Variants in CSMD3 observed in about 807,000 individuals in gnomAD.
The protein encoded by CSMD3 is CUB and Sushi multiple domains 3, also known as CUB and sushi domain-containing protein 3.
A neutral mutation model predicts 435.2 loss-of-function variants in CSMD3; 177 were observed. That is an observed-to-expected ratio of 0.41 (90% confidence interval 0.36 to 0.46). The LOEUF (loss-of-function observed/expected upper bound fraction) is 0.46. Among genes scored for constraint, CSMD3 ranks in the 20% least tolerant of loss-of-function variants. The pLI, the probability that CSMD3 is intolerant of heterozygous loss-of-function variation, is 0.34. For synonymous variants in CSMD3, 1,656 were observed against 1,520.5 expected (o/e 1.09, Z -2.07); for missense variants, 4,265 against 4,504.6 (o/e 0.95, Z 1.52).
chr8:113,187,732 T>C (rs72687616), intron 3 of CSMD3, among the ~76,000 whole-genome samples: 10,024 of 151,958 alleles, frequency 0.066, 445 homozygotes, highest in Non-Finnish European at 0.095. Flanking sequence ...ACCTAATATG[T>C]AGGTAACTCC....
At chr8:113,031,207 T>C (rs565382006) in intron 5 of CSMD3, among the ~76,000 whole-genome samples, 10 of 151,770 alleles carry the variant, frequency 6.6e-5, no homozygotes, top group African/African-American at 2.2e-4. Context: ...ATCTTCAAAG[T>C]AGCTTTACTT....
chr8:112,263,895 G>T, intron 60 of CSMD3, 83 bp from the exon 61 acceptor site: 3 of 1,227,102 alleles, frequency 2.4e-6, no homozygotes, highest in South Asian at 1.2e-5. Context: ...ATTAGAAGAA[G>T]CACATGTGCT....
At chr8:112,510,955 T>G (rs2130953457) in intron 28 of CSMD3, among the ~76,000 whole-genome samples, 1 of 152,326 alleles carries the variant, frequency 6.6e-6, no homozygotes, top group African/African-American at 2.4e-5. Flanking sequence ...GCTATGTGTT[T>G]TAATAAAAAT....
At chr8:113,264,263 C>T (rs1390172592) in intron 3 of CSMD3, among the ~76,000 whole-genome samples, 1 of 151,244 alleles carries the variant, frequency 6.6e-6, no homozygotes, top group Admixed American at 6.6e-5. Flanking sequence ...CTCTGTATGG[C>T]CTTTGAGTGA....
chr8:112,495,151 A>C (rs1821210949), intron 30 of CSMD3, among the ~76,000 whole-genome samples: 1 of 152,208 alleles, frequency 6.6e-6, no homozygotes, highest in Non-Finnish European at 1.5e-5. Context: ...TAAAAAATAA[A>C]ACTTTACATT....
chr8:112,377,539 CAAGAA>C (rs1358782921), intron 38 of CSMD3, among the ~76,000 whole-genome samples: 2 of 152,042 alleles, frequency 1.3e-5, no homozygotes, highest in Non-Finnish European at 2.9e-5. Flanking sequence ...AAAGACACCA[CAAGAA>C]AAGAAAAGTA....
chr8:112,627,624 T>C (rs983217367), intron 22 of CSMD3, among the ~76,000 whole-genome samples: 2 of 152,206 alleles, frequency 1.3e-5, no homozygotes, highest in Non-Finnish European at 2.9e-5. Flanking sequence ...AGGACATATA[T>C]GGAGAATGAG....
intron 13 of CSMD3, among the ~76,000 whole-genome samples, chr8:112,693,105 G>A (rs938572780): frequency 6.6e-6 from 1 of 151,940 alleles, no homozygotes; most frequent in African/African-American, 2.4e-5. Context: ...GCTGTTCCAG[G>A]GATCTAAGAT....
intron 3 of CSMD3, among the ~76,000 whole-genome samples, chr8:113,190,822 T>G (rs962622975): frequency 6.6e-6 from 1 of 151,814 alleles, no homozygotes; most frequent in Non-Finnish European, 1.5e-5. Flanking sequence ...AGGAATACTT[T>G]TGTTTCCTAA....
At chr8:112,397,960 G>A (rs1299194070) in intron 35 of CSMD3, among the ~76,000 whole-genome samples, 1 of 152,096 alleles carries the variant, frequency 6.6e-6, no homozygotes, top group Non-Finnish European at 1.5e-5. Flanking sequence ...TCACATATGG[G>A]TGACACTTTA....
intron 58 of CSMD3, among the ~76,000 whole-genome samples, chr8:112,285,284 A>G (rs188453201): frequency 7.6e-4 from 116 of 152,236 alleles, no homozygotes; most frequent in African/African-American, 2.7e-3. Flanking sequence ...TGCCCACAGC[A>G]TCATTAAAAA....
chr8:112,319,876 C>G, intron 46 of CSMD3, 25 bp downstream of exon 46: 1 of 1,539,024 alleles, frequency 6.5e-7, no homozygotes, highest in Non-Finnish European at 9.0e-7. Flanking sequence ...GTATGTTTTC[C>G]TTGAAAATAA....
chr8:112,446,107 T>A (rs1400152185), intron 32 of CSMD3, among the ~76,000 whole-genome samples: 1 of 152,190 alleles, frequency 6.6e-6, no homozygotes, highest in Non-Finnish European at 1.5e-5. Context: ...TGAACATCCA[T>A]GATAACACAT....
chr8:113,267,509 G>T (rs1458482751), intron 3 of CSMD3, among the ~76,000 whole-genome samples: 1 of 151,622 alleles, frequency 6.6e-6, no homozygotes, highest in African/African-American at 2.4e-5. Context: ...GACAAATATT[G>T]CATCTTTTTA....
At chr8:113,407,222 A>G (rs1490465164) in intron 1 of CSMD3, among the ~76,000 whole-genome samples, 1 of 152,156 alleles carries the variant, frequency 6.6e-6, no homozygotes, top group Non-Finnish European at 1.5e-5. Flanking sequence ...TCTGATCACA[A>G]AAGAATTTGA....
At chr8:113,033,304 G>A (rs562194807) in intron 5 of CSMD3, among the ~76,000 whole-genome samples, 28 of 151,740 alleles carry the variant, frequency 1.8e-4, no homozygotes, top group African/African-American at 5.1e-4. Context: ...GAAAGCAGCC[G>A]CAGGGGCTGT....
intron 35 of CSMD3, among the ~76,000 whole-genome samples, chr8:112,403,143 C>T (rs971571667): frequency 2.0e-5 from 3 of 152,042 alleles, no homozygotes; most frequent in Non-Finnish European, 2.9e-5. Context: ...CAATTCTGCA[C>T]AATAAATGAG....
At chr8:113,252,044 T>A (rs2093339249) in intron 3 of CSMD3, among the ~76,000 whole-genome samples, 1 of 152,118 alleles carries the variant, frequency 6.6e-6, no homozygotes. Context: ...ATTTACTTTT[T>A]ATATTTTTCA....
intron 4 of CSMD3, among the ~76,000 whole-genome samples, chr8:113,134,999 T>A (rs1403229241): frequency 6.6e-6 from 1 of 152,010 alleles, no homozygotes; most frequent in Non-Finnish European, 1.5e-5. Flanking sequence ...TACAATGAGA[T>A]CTAATCCAGT....
Sources: allele counts gnomAD v4.1 joint callset (sites outside exome capture counted in the v4.1 genomes callset), GRCh38; gene constraint gnomAD v4.1.1; transcripts MANE v1.5; gene names NCBI Gene and HGNC (gene_info 2026-07-23, HGNC 2026-07-21).